The following ZNF608 variants were observed in gnomAD, a reference collection of about 807,000 sequenced individuals.
The protein encoded by ZNF608 is zinc finger protein 608, also known as renal carcinoma antigen NY-REN-36.
Under a neutral mutation model 109.0 loss-of-function variants are expected in ZNF608, and 12 were observed. The ratio of observed to expected loss-of-function variants is 0.11; its 90% CI spans 0.07 to 0.18. The LOEUF (loss-of-function observed/expected upper bound fraction) is 0.18, where lower values mean the gene tolerates loss of function less well. Among genes scored for constraint, ZNF608 ranks in the 10% least tolerant of loss-of-function variants. ZNF608 has a pLI of 1.00. For missense variants in ZNF608, 1,707 were observed against 1,879.3 expected (o/e 0.91, Z 1.70); for synonymous variants, 732 against 717.4 (o/e 1.02, Z -0.33).
chr5:124,724,609 CGTGTGTGTGTGT>C (rs113446719), intron 2 of ZNF608, among the ~76,000 whole-genome samples: 1 of 146,976 alleles, frequency 6.8e-6, no homozygotes, highest in Non-Finnish European at 1.5e-5. Context: ...TTCAACAGCA[CGTGTGTGTGTGT>C]GTGTGTGTGT....
At chr5:124,639,096 C>A (rs1259934222) in intron 9 of ZNF608, 37 bp downstream of exon 9, 1 of 1,588,474 alleles carries the variant, frequency 6.3e-7, no homozygotes, top group East Asian at 2.2e-5. Context: ...TAAGATATTT[C>A]TATCTACAAC....
chr5:124,747,930 G>A (rs896102877), upstream of ZNF608, among the ~76,000 whole-genome samples: 2 of 152,088 alleles, frequency 1.3e-5, no homozygotes, highest in Non-Finnish European at 2.9e-5. Flanking sequence ...TTGCTCCCCA[G>A]CCTGGTCCTG....
intron 3 of ZNF608, among the ~76,000 whole-genome samples, chr5:124,691,202 G>A (rs985178286): frequency 6.6e-6 from 1 of 151,964 alleles, no homozygotes; most frequent in African/African-American, 2.4e-5. Flanking sequence ...TTGAGCCCAG[G>A]AGTTTGAGGC....
At chr5:124,705,466 C>T (rs1000525860) in intron 2 of ZNF608, among the ~76,000 whole-genome samples, 4 of 152,124 alleles carry the variant, frequency 2.6e-5, no homozygotes, top group South Asian at 2.1e-4. Flanking sequence ...TGAGATAATC[C>T]GTGCAAAGTG....
chr5:124,683,581 T>G (rs1477031594), intron 3 of ZNF608, among the ~76,000 whole-genome samples: 2 of 152,204 alleles, frequency 1.3e-5, no homozygotes, highest in Admixed American at 1.3e-4. Context: ...TCAAAGAGTT[T>G]AGTGAGTTGC....
intron 2 of ZNF608, among the ~76,000 whole-genome samples, chr5:124,702,825 A>G (rs1263840070): frequency 1.3e-5 from 2 of 152,236 alleles, no homozygotes; most frequent in Non-Finnish European, 2.9e-5. Context: ...CCCAGGAAAG[A>G]AAAGCATTTA....
At position 124,744,617 on chromosome 5, in the gene ZNF608, A is replaced by G; in HGVS notation, c.373T>C (p.Tyr125His). The stretch of plus-strand genomic sequence containing the variant: ...GTGCTGCTGATCTCGGGAATCCCAT[A>G]CAAGGCAGCAGAAGGCAGAGATTTA... ...ANKSLPSAAL[Y>H]GIPEISSTGK... Residue 125 changes from tyrosine to histidine, a missense_variant, in exon 2 of 10, where the codon TAT (tyrosine) becomes CAT (histidine). Physicochemically the swap from Tyr to His is moderately conservative, Grantham distance 83 (BLOSUM62 2). This residue lies in a region of ZNF608 where 407 missense variants were observed against 398.7 expected (regional missense o/e 1.02). Transcript: ENST00000513986. The surrounding 1 kb of genome is among the most constrained non-coding windows in gnomAD (Gnocchi z 4.5). 1 of 1,614,174 alleles carries G rather than the reference A, an allele frequency of 6.2e-7. No homozygotes were observed. Among genetic ancestry groups the G allele is most frequent in the Admixed American group, 1.7e-5 (1 of 60,020 alleles).
chr5:124,645,018 C>T (rs1750432685), intron 5 of ZNF608, among the ~76,000 whole-genome samples: 2 of 152,170 alleles, frequency 1.3e-5, no homozygotes, highest in Admixed American at 1.3e-4. Context: ...TAAATAACAT[C>T]CTCAGACATA....
intron 2 of ZNF608, among the ~76,000 whole-genome samples, chr5:124,736,285 A>G (rs1015029159): frequency 9.2e-5 from 14 of 152,240 alleles, no homozygotes; most frequent in Non-Finnish European, 1.9e-4. Context: ...GGTGAACCAC[A>G]CACAAATAAA....
intron 3 of ZNF608, among the ~76,000 whole-genome samples, chr5:124,674,248 G>C (rs1248237932): frequency 6.6e-6 from 1 of 151,002 alleles, no homozygotes; most frequent in Non-Finnish European, 1.5e-5. Context: ...CTGGTACTAT[G>C]TTCAAAGAGC....
chr5:124,691,977 GA>G (rs1056044086), intron 3 of ZNF608, among the ~76,000 whole-genome samples: 1 of 151,884 alleles, frequency 6.6e-6, no homozygotes, highest in African/African-American at 2.4e-5. Context: ...TGAGATTATA[GA>G]GTTTTTTCCC....
intron 3 of ZNF608, among the ~76,000 whole-genome samples, chr5:124,658,525 C>G (rs1443421900): frequency 6.6e-6 from 1 of 152,222 alleles, no homozygotes; most frequent in African/African-American, 2.4e-5. Flanking sequence ...CAGCATCACT[C>G]TGATTTCTAA....
intron 2 of ZNF608, chr5:124,708,586 C>T (rs934406569): frequency 7.5e-6 from 3 of 401,436 alleles, no homozygotes; most frequent in Admixed American, 5.5e-5. Context: ...AGAAACCTCA[C>T]TTTAAAACCT....
At chr5:124,689,478 A>AGAG (rs1298122643) in intron 3 of ZNF608, among the ~76,000 whole-genome samples, 2 of 144,004 alleles carry the variant, frequency 1.4e-5, no homozygotes, top group African/African-American at 2.6e-5. Context: ...AAAAAAAAAA[A>AGAG]AGAGAGAGAC....
chr5:124,712,518 AGAGT>A (rs1753537551), intron 2 of ZNF608, among the ~76,000 whole-genome samples: 1 of 152,198 alleles, frequency 6.6e-6, no homozygotes, highest in African/African-American at 2.4e-5. Flanking sequence ...TGGGGCACAA[AGAGT>A]GAGAAGGAGC....
chr5:124,647,607 CCATTCTGGGTCAACA>C lies in ZNF608; in HGVS notation c.2762_2776del (p.Val921_Asn925del). ...TGTCTTTGCAGCTGAACTCTCTGCC[CCATTCTGGGTCAACA>C]CATGCAGAGGTGCCATTGGTGCCTG... On this transcript the variant is annotated inframe_deletion, in exon 5 of 10. Coordinates refer to ENST00000513986, the MANE Select transcript of ZNF608 (RefSeq NM_020747.3). 1 of 1,614,194 alleles carries C rather than the reference CCATTCTGGGTCAACA, an allele frequency of 6.2e-7. No homozygotes were observed. Among genetic ancestry groups the C allele is most frequent in the Non-Finnish European group, 8.5e-7 (1 of 1,180,046 alleles).
At chr5:124,746,931 T>G (rs1749659683), upstream of ZNF608, 2 of 98,412 alleles carry the variant, frequency 2.0e-5, no homozygotes, top group Admixed American at 1.5e-4. Flanking sequence ...TATAACAGCA[T>G]TCGCTCGGGG....
rs147284674 is a variant in ZNF608, at chr5:124,711,328, C to T, written c.907-10059G>A. 5.9e-5 allele frequency among the ~76,000 whole-genome samples: 9 copies of T among 152,342 alleles called. No homozygotes were observed. The East Asian group carries it at 1.7e-3, about 29-fold the overall frequency. On this transcript the variant is annotated intron_variant, in intron 2 of 9. Coordinates refer to ENST00000513986, the MANE Select transcript of ZNF608 (RefSeq NM_020747.3). ...TACAGAGGAAGAAGGAATAACTTTT[C>T]ATTTTATAGCCTTCTATGCTGCTTA...
chr5:124,651,314 G>A (rs1750761909), intron 3 of ZNF608, among the ~76,000 whole-genome samples: 2 of 152,200 alleles, frequency 1.3e-5, no homozygotes, highest in Admixed American at 1.3e-4. Context: ...CATCCCTTCA[G>A]GAAAGGGGAG....
Sources: allele counts gnomAD v4.1 joint callset (sites outside exome capture counted in the v4.1 genomes callset), GRCh38; gene constraint gnomAD v4.1.1; regional missense constraint gnomAD v4.1.1; non-coding constraint Gnocchi (gnomAD v3.1); transcripts MANE v1.5; gene names NCBI Gene and HGNC (gene_info 2026-07-23, HGNC 2026-07-21).